SNTG1: variants seen among roughly 807,000 people sequenced by gnomAD.
SNTG1 encodes the protein syntrophin gamma 1.
Under a neutral mutation model 74.7 loss-of-function variants are expected in SNTG1, and 39 were observed. The ratio of observed to expected loss-of-function variants is 0.52; its 90% confidence interval spans 0.40 to 0.68. The LOEUF (loss-of-function observed/expected upper bound fraction) is 0.68, where lower values mean the gene tolerates loss of function less well. SNTG1 is among the 30% of genes least tolerant of loss of function. The pLI is 0.00. For missense variants in SNTG1, 685 were observed against 609.5 expected (o/e 1.12, Z -1.30); for synonymous variants, 254 against 217.1 (o/e 1.17, Z -1.49).
intron 2 of SNTG1, among the ~76,000 whole-genome samples, chr8:50,258,495 T>G (rs914719816): frequency 3.3e-5 from 5 of 152,104 alleles, no homozygotes; most frequent in African/African-American, 7.2e-5. Context: ...AAGCAATTAT[T>G]GTAAAAATAT....
At chr8:49,923,438 T>C (rs546776091) in intron 1 of SNTG1, among the ~76,000 whole-genome samples, 1 of 152,158 alleles carries the variant, frequency 6.6e-6, no homozygotes, top group Non-Finnish European at 1.5e-5. Context: ...GCCTATTTTC[T>C]TCTGAGGAGA....
Position 50,402,227 on chromosome 8 carries a change from T to C in SNTG1, c.45T>C (p.Cys15=). 8 of 1,591,600 alleles carry C rather than the reference T, an allele frequency of 5.0e-6. No individual in the cohort carries two copies. Among genetic ancestry groups the C allele is most frequent in the Non-Finnish European group, 6.8e-6 (8 of 1,174,484 alleles). Residue 15 remains cysteine (C), a synonymous_variant, in exon 4 of 19, where the codon TGT becomes TGC. Coordinates refer to ENST00000642720, the MANE Select transcript of SNTG1 (RefSeq NM_018967.5). The part of the protein sequence containing the change: ...TACEETKTGI[C]LLQDGNQEPF... ...ATCTGAAGACAAAGACAGGAATTTG[T>C]TTGCTGCAGGATGGTAACCAGGAGC...
intron 1 of SNTG1, among the ~76,000 whole-genome samples, chr8:49,966,245 G>C (rs1376778650): frequency 6.6e-6 from 1 of 151,988 alleles, no homozygotes; most frequent in African/African-American, 2.4e-5. Flanking sequence ...TTGTAAAAAG[G>C]TATATTTATA....
At chr8:49,973,476 C>T (rs1304588562) in intron 1 of SNTG1, among the ~76,000 whole-genome samples, 1 of 151,328 alleles carries the variant, frequency 6.6e-6, no homozygotes, top group East Asian at 1.9e-4. Flanking sequence ...AACTAACCTG[C>T]ACGTTGTGCA....
At chr8:50,647,008 G>A (rs900356486) in intron 13 of SNTG1, among the ~76,000 whole-genome samples, 2 of 152,094 alleles carry the variant, frequency 1.3e-5, no homozygotes, top group Non-Finnish European at 2.9e-5. Flanking sequence ...ACATCCACAT[G>A]AGGAATAAAA....
intron 1 of SNTG1, among the ~76,000 whole-genome samples, chr8:50,124,902 C>T (rs1242907973): frequency 7.1e-6 from 1 of 141,712 alleles, no homozygotes; most frequent in African/African-American, 2.6e-5. Context: ...GGGTTTGTAA[C>T]TGGATTACAA....
At chr8:50,517,463 GC>G (rs1387997538) in intron 9 of SNTG1, among the ~76,000 whole-genome samples, 1 of 151,948 alleles carries the variant, frequency 6.6e-6, no homozygotes, top group Non-Finnish European at 1.5e-5. Flanking sequence ...ATGTAAATGG[GC>G]TAAATGCCCC....
At chr8:50,449,778 G>A in intron 6 of SNTG1, 53 bp downstream of exon 6, 2 of 1,416,156 alleles carry the variant, frequency 1.4e-6, no homozygotes. Context: ...CATTGTTTTT[G>A]AAGTGTGAGA....
At chr8:50,234,096 T>C (rs1179717507) in intron 2 of SNTG1, among the ~76,000 whole-genome samples, 1 of 151,926 alleles carries the variant, frequency 6.6e-6, no homozygotes, top group African/African-American at 2.4e-5. Context: ...ACAAGATCCA[T>C]ACACAATTAT....
chr8:50,646,820 C>G (rs1305342835), intron 13 of SNTG1, among the ~76,000 whole-genome samples: 1 of 152,074 alleles, frequency 6.6e-6, no homozygotes, highest in African/African-American at 2.4e-5. Flanking sequence ...TCAAATCTTA[C>G]TATAAAGTGA....
chr8:50,525,480 C>CT (rs1193369306), intron 9 of SNTG1, among the ~76,000 whole-genome samples: 1 of 152,072 alleles, frequency 6.6e-6, no homozygotes, highest in Non-Finnish European at 1.5e-5. Flanking sequence ...CCATCTCCTT[C>CT]TTTTTTCGGA....
chr8:50,464,300 A>C (rs1471212805), intron 8 of SNTG1, among the ~76,000 whole-genome samples: 10 of 152,184 alleles, frequency 6.6e-5, no homozygotes, highest in Admixed American at 6.5e-4. Flanking sequence ...CTTGTGCAAG[A>C]AGCCTACAAT....
chr8:50,500,844 G>A (rs1342961345), intron 8 of SNTG1, among the ~76,000 whole-genome samples: 1 of 152,172 alleles, frequency 6.6e-6, no homozygotes, highest in Non-Finnish European at 1.5e-5. Context: ...TCCCAGGTCA[G>A]TGCTGGTTAT....
intron 4 of SNTG1, among the ~76,000 whole-genome samples, chr8:50,411,138 A>G (rs2092942835): frequency 6.6e-6 from 1 of 152,046 alleles, no homozygotes; most frequent in African/African-American, 2.4e-5. Context: ...GACATTCCAA[A>G]TGTGTGCAAA....
intron 1 of SNTG1, among the ~76,000 whole-genome samples, chr8:50,123,982 A>G (rs912043268): frequency 3.5e-5 from 5 of 142,654 alleles, no homozygotes; most frequent in African/African-American, 1.3e-4. Context: ...TATTAGAACA[A>G]CAACTAAAAC....
rs1205710717 is a variant in SNTG1 at position 50,349,942 on chromosome 8, G to T, written c.-27-44270G>T. 2.0e-5 allele frequency among the ~76,000 whole-genome samples: 3 copies of T among 152,288 alleles called. No individual in the cohort carries two copies. The East Asian group carries it at 5.8e-4, about 29-fold the overall frequency. The stretch of plus-strand genomic sequence containing the variant: ...AGTGAGAGGCGCGAGCCGGAACCAG[G>T]GCTGCACCGCGTGCTTATGGGCCAG... On this transcript the variant is annotated intron_variant, in intron 2 of 18. Transcript: ENST00000642720.
Position 50,611,480 on chromosome 8 carries a change from T to C in SNTG1, c.849+20563T>C, listed in dbSNP as rs1432939938. Among the ~76,000 whole-genome samples, 3 of 152,206 alleles carry C rather than the reference T, an allele frequency of 2.0e-5. No individual in the cohort carries two copies. In the East Asian group the frequency reaches 5.8e-4, roughly 29 times the overall value. ...CATCATATTTGATTGTTTTCACTGC[T>C]GGATTATAATCGATTTGCTGGAAAT... On this transcript the variant is annotated intron_variant, in intron 13 of 18. Transcript: ENST00000642720.
chr8:50,531,365 A>G (rs943379498), intron 10 of SNTG1, among the ~76,000 whole-genome samples: 2 of 152,062 alleles, frequency 1.3e-5, no homozygotes, highest in South Asian at 4.2e-4. Context: ...TTGCCACACA[A>G]TAAGTGGCAT....
chr8:50,570,435 T>C (rs1022323419), intron 12 of SNTG1, among the ~76,000 whole-genome samples: 1 of 148,608 alleles, frequency 6.7e-6, no homozygotes, highest in Admixed American at 6.7e-5. Flanking sequence ...ATTTTTCTAT[T>C]TTTGGCAGAG....
Sources: allele counts gnomAD v4.1 joint callset (sites outside exome capture counted in the v4.1 genomes callset), GRCh38; gene constraint gnomAD v4.1.1; transcripts MANE v1.5; gene names NCBI Gene and HGNC (gene_info 2026-07-23, HGNC 2026-07-21).